Variants in CAMLG observed in about 807,000 individuals in gnomAD.
CAMLG encodes the protein calcium modulating ligand.
In CAMLG, 23 loss-of-function variants were observed where a neutral mutation model predicts 28.9. That is an observed-to-expected ratio of 0.80 (90% CI 0.57 to 1.13). CAMLG has a LOEUF of 1.13. CAMLG is among the 50% of genes most tolerant of loss of function. The pLI, the probability that CAMLG is intolerant of heterozygous loss-of-function variation, is 0.00. For synonymous variants in CAMLG, 141 were observed against 146.5 expected (o/e 0.96, Z 0.27); for missense variants, 367 against 371.9 (o/e 0.99, Z 0.11).
At chr5:134,743,078 A>G (rs1210098391) in intron 2 of CAMLG, among the ~76,000 whole-genome samples, 1 of 152,048 alleles carries the variant, frequency 6.6e-6, no homozygotes, top group Non-Finnish European at 1.5e-5. Flanking sequence ...TAGAGATAGG[A>G]TCTTGCTATG....
chr5:134,741,940 C>T (rs551301605), intron 2 of CAMLG, among the ~76,000 whole-genome samples: 8 of 151,740 alleles, frequency 5.3e-5, no homozygotes, highest in Non-Finnish European at 1.2e-4. Flanking sequence ...AGTGAGACCC[C>T]GTCTCAAAAA....
At chr5:134,745,984 C>T (rs1753043255) in intron 3 of CAMLG, among the ~76,000 whole-genome samples, 1 of 147,414 alleles carries the variant, frequency 6.8e-6, no homozygotes, top group Non-Finnish European at 1.5e-5. Context: ...ACTACAAATT[C>T]AAAATTAGCC....
chr5:134,746,491 T>C (rs1361827167), intron 3 of CAMLG, among the ~76,000 whole-genome samples: 1 of 151,994 alleles, frequency 6.6e-6, no homozygotes, highest in Non-Finnish European at 1.5e-5. Context: ...TTTTTGCTTG[T>C]TTGTTTTTGA....
chr5:134,750,010 G>T (rs547085266), intron 3 of CAMLG, among the ~76,000 whole-genome samples: 1 of 152,288 alleles, frequency 6.6e-6, no homozygotes, highest in African/African-American at 2.4e-5. Context: ...TGGCCTGAAG[G>T]CCTGTTTTTA....
chr5:134,746,858 T>G (rs1023713951), intron 3 of CAMLG, among the ~76,000 whole-genome samples: 1 of 151,226 alleles, frequency 6.6e-6, no homozygotes, highest in Non-Finnish European at 1.5e-5. Flanking sequence ...AAGGCCATGG[T>G]GGGCAGATCA....
At chr5:134,738,868 C>G in intron 1 of CAMLG, 76 bp downstream of exon 1, 1 of 1,410,466 alleles carries the variant, frequency 7.1e-7, no homozygotes, top group Non-Finnish European at 9.9e-7. Context: ...TCTCCCACCT[C>G]CACTCCTCTG....
At chr5:134,747,275 T>G (rs1408540817) in intron 3 of CAMLG, among the ~76,000 whole-genome samples, 1 of 152,190 alleles carries the variant, frequency 6.6e-6, no homozygotes, top group African/African-American at 2.4e-5. Context: ...TTTCAAAGTA[T>G]GTTGTAGGTG....
At chr5:134,744,129 A>G in intron 3 of CAMLG, 77 bp downstream of exon 3, 1 of 699,162 alleles carries the variant, frequency 1.4e-6, no homozygotes, top group Non-Finnish European at 2.5e-6. Flanking sequence ...GAACTTAAAA[A>G]TGTTAGTCCT....
intron 2 of CAMLG, among the ~76,000 whole-genome samples, chr5:134,743,595 C>T (rs1214431149): frequency 1.4e-5 from 2 of 147,954 alleles, no homozygotes; most frequent in Admixed American, 6.8e-5. Flanking sequence ...TTGCCAGGCG[C>T]GGTGTCTCAT....
At chr5:134,738,876 C>G (rs1752951334) in intron 1 of CAMLG, 84 bp downstream of exon 1, 2 of 1,358,160 alleles carry the variant, frequency 1.5e-6, no homozygotes, top group Non-Finnish European at 2.1e-6. Context: ...CTCCACTCCT[C>G]TGACCTTTTT....
At chr5:134,745,237 A>G (rs939594716) in intron 3 of CAMLG, among the ~76,000 whole-genome samples, 2 of 151,104 alleles carry the variant, frequency 1.3e-5, no homozygotes, top group Non-Finnish European at 2.9e-5. Flanking sequence ...AGAGATCGAG[A>G]GCATCCTGGC....
chr5:134,743,941 G>T, intron 2 of CAMLG, 46 bp from the exon 3 acceptor site: 1 of 829,852 alleles, frequency 1.2e-6, no homozygotes, highest in South Asian at 1.6e-5. Context: ...ATTGTGATTT[G>T]AATGATTATG....
At chr5:134,743,826 A>G (rs1300051251) in intron 2 of CAMLG, among the ~76,000 whole-genome samples, 161 bp from the exon 3 acceptor site, 1 of 152,176 alleles carries the variant, frequency 6.6e-6, no homozygotes, top group Non-Finnish European at 1.5e-5. Context: ...AGATCGTGCC[A>G]CTGCACTCAG....
In CAMLG at chr5:134,750,796, C is replaced by T; in HGVS notation, c.737C>T (p.Ala246Val). The T allele has an allele frequency of 6.2e-7, 1 of 1,613,786 alleles. No individual in the cohort carries two copies. Among genetic ancestry groups the T allele is most frequent in the South Asian group, 1.1e-5 (1 of 91,066 alleles). Reference protein sequence around the residue: ...KKIKTTVLTAALLLSGIPAEV... With the variant: ...KKIKTTVLTAVLLLSGIPAEV... ...ATAAAGACAACAGTACTAACAGCTG[C>T]ACTTCTATTGTCGGGAATTCCTGCC... The change falls in exon 4 of 4, where the codon GCA becomes GTA. Residue 246 changes from alanine (A) to valine (V), a missense_variant. Ala to Val is a moderately conservative substitution (Grantham distance 64, BLOSUM62 0). Transcript: ENST00000297156.
intron 2 of CAMLG, among the ~76,000 whole-genome samples, chr5:134,742,199 G>C (rs1202520165): frequency 2.0e-5 from 3 of 152,098 alleles, no homozygotes; most frequent in Admixed American, 2.0e-4. Context: ...GATACTGAGG[G>C]ATGACTGTAC....
At chr5:134,748,532 C>T (rs976816007) in intron 3 of CAMLG, among the ~76,000 whole-genome samples, 3 of 152,062 alleles carry the variant, frequency 2.0e-5, no homozygotes, top group African/African-American at 7.2e-5. Flanking sequence ...AGCAAGACTA[C>T]GTCTCAAACA....
intron 2 of CAMLG, among the ~76,000 whole-genome samples, chr5:134,742,052 A>T (rs995620557): frequency 6.6e-6 from 1 of 152,230 alleles, no homozygotes; most frequent in Non-Finnish European, 1.5e-5. Flanking sequence ...ACATTGCATT[A>T]GGCATAAAAA....
intron 3 of CAMLG, among the ~76,000 whole-genome samples, chr5:134,747,002 TGCTGACCCGGTG>T (rs1753056764): frequency 6.6e-6 from 1 of 152,012 alleles, no homozygotes; most frequent in Admixed American, 6.6e-5. Context: ...GCAGGAGAAT[TGCTGACCCGGTG>T]GCAGAGGTTT....
intron 3 of CAMLG, among the ~76,000 whole-genome samples, chr5:134,745,967 C>T (rs1004746716): frequency 1.9e-4 from 28 of 150,774 alleles, no homozygotes; most frequent in African/African-American, 4.1e-4. Context: ...GGAGAAACCC[C>T]GTCTCTACTA....
Sources: gnomAD v4.1 joint callset for allele counts (sites outside exome capture counted in the v4.1 genomes callset) on GRCh38, gnomAD v4.1.1 for gene constraint, MANE v1.5 for transcripts, NCBI Gene and HGNC (gene_info 2026-07-23, HGNC 2026-07-21) for gene names.